The following PIK3AP1 variants were observed in gnomAD, a reference collection of about 807,000 sequenced individuals.
The protein encoded by PIK3AP1 is phosphoinositide-3-kinase adaptor protein 1, also known as phosphoinositide 3-kinase adapter protein 1.
A neutral mutation model predicts 88.1 loss-of-function variants in PIK3AP1; 21 were observed. The ratio of observed to expected loss-of-function variants is 0.24; its 90% CI spans 0.17 to 0.34. PIK3AP1 has a LOEUF of 0.34. Ranked by LOEUF, PIK3AP1 falls within the 10% of genes least tolerant of loss-of-function variation. The pLI is 1.00. For missense variants in PIK3AP1, 828 were observed against 1,035.7 expected, an observed-to-expected ratio of 0.80 and a Z score of 2.75; for synonymous variants, 398 against 400.0, an observed-to-expected ratio of 1.00 and a Z score of 0.06.
chr10:96,691,573 G>A (rs1446899847), intron 2 of PIK3AP1, among the ~76,000 whole-genome samples: 1 of 152,160 alleles, frequency 6.6e-6, no homozygotes, highest in East Asian at 1.9e-4. Flanking sequence ...AATGTTATAC[G>A]TTGGACTGGG....
At chr10:96,637,701 G>GT (rs1176872800) in intron 8 of PIK3AP1, among the ~76,000 whole-genome samples, 3 of 152,144 alleles carry the variant, frequency 2.0e-5, no homozygotes, top group African/African-American at 7.2e-5. Context: ...AATACCTAGA[G>GT]TGAGGGTGTT....
At chr10:96,706,208 C>A (rs1189099882) in intron 2 of PIK3AP1, among the ~76,000 whole-genome samples, 2 of 152,068 alleles carry the variant, frequency 1.3e-5, no homozygotes, top group Non-Finnish European at 2.9e-5. Context: ...CAGCCAATTT[C>A]TTATTGGGAT....
Position 96,656,840 on chromosome 10 carries a change from A to C in PIK3AP1, c.525T>G (p.Pro175=). 1 of 1,614,150 alleles carries C rather than the reference A, an allele frequency of 6.2e-7. No homozygotes were observed. Among genetic ancestry groups the C allele is most frequent in the Non-Finnish European group, 8.5e-7 (1 of 1,180,032 alleles). ...CCGGCTGCACCACCATCAGGTTCCC[A>C]GGTGAAGTCACCGTCGGCAGGTTCT... The part of the protein sequence containing the change: ...KQQNLPTVTS[P]GNLMVVQPDR... Residue 175 remains proline (P), a synonymous_variant, in exon 3 of 17, where the codon CCT becomes CCG. Transcript: ENST00000339364.
intron 10 of PIK3AP1, 83 bp downstream of exon 10, chr10:96,626,625 G>T: frequency 7.0e-7 from 1 of 1,425,082 alleles, no homozygotes; most frequent in South Asian, 1.3e-5. Flanking sequence ...TCTGAGCAAT[G>T]GTTCAAAAAG....
intron 10 of PIK3AP1, among the ~76,000 whole-genome samples, chr10:96,624,091 C>G (rs1369124301): frequency 6.6e-6 from 1 of 152,198 alleles, no homozygotes; most frequent in African/African-American, 2.4e-5. Context: ...CTCTCTGAGT[C>G]CAAATACTAG....
chr10:96,625,500 G>T (rs754032365), intron 10 of PIK3AP1, among the ~76,000 whole-genome samples: 17 of 152,196 alleles, frequency 1.1e-4, no homozygotes, highest in Admixed American at 3.3e-4. Flanking sequence ...CCAGTTCAGG[G>T]TTGCTGGATT....
intron 9 of PIK3AP1, among the ~76,000 whole-genome samples, chr10:96,627,311 C>G (rs772977221): frequency 5.3e-5 from 8 of 152,162 alleles, no homozygotes; most frequent in Non-Finnish European, 7.3e-5. Context: ...AACAGACTGC[C>G]CAAGACTCCC....
chr10:96,666,892 C>T (rs549605384), intron 2 of PIK3AP1, among the ~76,000 whole-genome samples: 137 of 152,174 alleles, frequency 9.0e-4, no homozygotes, highest in Middle Eastern at 3.4e-3. Flanking sequence ...GGTGCCACTG[C>T]CCTGCCTCCC....
At chr10:96,678,384 G>A (rs565757235) in intron 2 of PIK3AP1, among the ~76,000 whole-genome samples, 6 of 151,820 alleles carry the variant, frequency 4.0e-5, no homozygotes, top group African/African-American at 9.7e-5. Context: ...GCAATGAGTC[G>A]AGATCACACC....
chr10:96,707,661 T>C (rs895428016), intron 2 of PIK3AP1, among the ~76,000 whole-genome samples: 43 of 152,140 alleles, frequency 2.8e-4, no homozygotes, highest in African/African-American at 1.0e-3. Context: ...TCAGTGGCAA[T>C]ACATCCATGG....
intron 15 of PIK3AP1, among the ~76,000 whole-genome samples, chr10:96,602,707 G>T (rs1368478383): frequency 2.0e-5 from 3 of 152,160 alleles, no homozygotes; most frequent in Non-Finnish European, 4.4e-5. Flanking sequence ...GCCCACCCAA[G>T]GACTCTTCTC....
At chr10:96,617,316 G>A (rs976296215) in intron 12 of PIK3AP1, among the ~76,000 whole-genome samples, 2 of 152,228 alleles carry the variant, frequency 1.3e-5, no homozygotes, top group African/African-American at 4.8e-5. Flanking sequence ...TAAGGGTCAA[G>A]ATTGTTGCTA....
chr10:96,629,404 A>G (rs1843206406), intron 8 of PIK3AP1, among the ~76,000 whole-genome samples: 1 of 152,132 alleles, frequency 6.6e-6, no homozygotes, highest in South Asian at 2.1e-4. Context: ...AACTGGAACC[A>G]TATTATTTAA....
intron 12 of PIK3AP1, 151 bp from the exon 13 acceptor site, chr10:96,616,862 C>T: frequency 1.4e-6 from 1 of 720,594 alleles, no homozygotes; most frequent in Non-Finnish European, 2.4e-6. Context: ...CATTCACAGT[C>T]AGCCCCCAGA....
chr10:96,654,752 T>A (rs1337123718), intron 3 of PIK3AP1, among the ~76,000 whole-genome samples: 1 of 152,200 alleles, frequency 6.6e-6, no homozygotes, highest in Non-Finnish European at 1.5e-5. Flanking sequence ...GTGAAGGAGA[T>A]AATGCTTTGG....
intron 12 of PIK3AP1, 30 bp from the exon 13 acceptor site, chr10:96,616,741 T>C (rs752517750): frequency 1.3e-6 from 2 of 1,592,938 alleles, no homozygotes; most frequent in Non-Finnish European, 1.7e-6. Context: ...ATTTTTTAAG[T>C]GTACAACAGG....
Position 96,609,830 on chromosome 10 carries a change from G to A in PIK3AP1, c.2052C>T (p.His684=), listed in dbSNP as rs1346533343. 6.2e-7 allele frequency: 1 copy of A among 1,614,170 alleles called. No homozygotes were observed. Residue 684 remains histidine (H), a synonymous_variant, in exon 14 of 17, where the codon CAC becomes CAT. Transcript: ENST00000339364. ...EITVPIRHSQ[H]LPAKVEFGVY... Reference sequence around the variant, plus strand: ...CTCCAAACTCCACTTTTGCAGGCAGGTGCTGTGAGTGCCGAATTGGGACCG... The same window carrying A: ...CTCCAAACTCCACTTTTGCAGGCAGATGCTGTGAGTGCCGAATTGGGACCG...
At chr10:96,713,757 T>C (rs1844468153) in intron 1 of PIK3AP1, among the ~76,000 whole-genome samples, 1 of 152,166 alleles carries the variant, frequency 6.6e-6, no homozygotes, top group Non-Finnish European at 1.5e-5. Flanking sequence ...TTTTTAAAAT[T>C]ATAAACTCTA....
At chr10:96,628,881 T>TATACACACAC (rs1554955361) in intron 8 of PIK3AP1, among the ~76,000 whole-genome samples, 1 of 88,752 alleles carries the variant, frequency 1.1e-5, no homozygotes, top group Non-Finnish European at 2.2e-5. Context: ...TACACATATA[T>TATACACACAC]ATATATACAT....
Sources: allele counts gnomAD v4.1 joint callset (sites outside exome capture counted in the v4.1 genomes callset), GRCh38; gene constraint gnomAD v4.1.1; transcripts MANE v1.5; gene names NCBI Gene and HGNC (gene_info 2026-07-23, HGNC 2026-07-21).